AUTS2: variants seen among roughly 807,000 people sequenced by gnomAD.
The protein encoded by AUTS2 is activator of transcription and developmental regulator AUTS2.
In AUTS2, 17 loss-of-function variants were observed where a neutral mutation model predicts 112.4. That is an observed-to-expected ratio of 0.15 (90% confidence interval 0.10 to 0.23). The LOEUF (loss-of-function observed/expected upper bound fraction) is 0.23, where lower values mean the gene tolerates loss of function less well. Among genes scored for constraint, AUTS2 ranks in the 10% least tolerant of loss-of-function variants. The probability of loss-of-function intolerance (pLI) is 1.00; values close to 1 mark genes in which losing one functional copy is unlikely to be tolerated. For missense variants in AUTS2, 1,510 were observed against 1,701.6 expected, an observed-to-expected ratio of 0.89 and a Z score of 1.98; for synonymous variants, 751 against 702.7, an observed-to-expected ratio of 1.07 and a Z score of -1.09.
chr7:69,776,442 G>A (rs1788902683), intron 1 of AUTS2, among the ~76,000 whole-genome samples: 1 of 152,156 alleles, frequency 6.6e-6, no homozygotes, highest in Non-Finnish European at 1.5e-5. Context: ...TAGAGATAGT[G>A]TCTCAGTCTG....
At chr7:70,689,167 G>A (rs897395662) in intron 5 of AUTS2, among the ~76,000 whole-genome samples, 1 of 151,866 alleles carries the variant, frequency 6.6e-6, no homozygotes, top group Non-Finnish European at 1.5e-5. Context: ...GACCAGCCTG[G>A]GAAACATGGC....
intron 5 of AUTS2, among the ~76,000 whole-genome samples, chr7:70,496,270 G>A (rs368753333): frequency 1.1e-4 from 12 of 106,466 alleles, no homozygotes; most frequent in Admixed American, 3.2e-4. Context: ...ACATGCACAC[G>A]TCACATCAGC....
intron 4 of AUTS2, among the ~76,000 whole-genome samples, chr7:70,158,443 G>A (rs1211412715): frequency 6.6e-6 from 1 of 152,210 alleles, no homozygotes; most frequent in African/African-American, 2.4e-5. Flanking sequence ...ACGAGTCAAT[G>A]TGGCAGTGAT....
intron 2 of AUTS2, among the ~76,000 whole-genome samples, chr7:70,117,104 GTTTTT>G (rs61076536): frequency 3.6e-4 from 28 of 78,436 alleles, no homozygotes; most frequent in Admixed American, 9.7e-4. Context: ...GATGACTTTT[GTTTTT>G]TTTTTTTGTT....
intron 6 of AUTS2, among the ~76,000 whole-genome samples, chr7:70,702,137 G>A (rs1809492134): frequency 6.6e-6 from 1 of 152,236 alleles, no homozygotes; most frequent in Non-Finnish European, 1.5e-5. Context: ...CCAAGATAAT[G>A]AATCTTTCCT....
chr7:70,029,334 T>A (rs1379233481), intron 2 of AUTS2, among the ~76,000 whole-genome samples: 1 of 151,660 alleles, frequency 6.6e-6, no homozygotes, highest in Non-Finnish European at 1.5e-5. Flanking sequence ...TAATTTTTTC[T>A]GTTTTTTATT....
chr7:70,148,437 T>C lies in AUTS2; in HGVS notation c.660+13866T>C, dbSNP rs147958328. 6.8e-3 allele frequency among the ~76,000 whole-genome samples: 1,035 copies of C among 152,246 alleles called. 6 individuals are homozygous for C. Among genetic ancestry groups the C allele is most frequent in the Non-Finnish European group, 0.012 (806 of 67,988 alleles). The stretch of plus-strand genomic sequence containing the variant: ...ATTTCATTGAGTCCTGTTTAATTAA[T>C]TCTTGCTGTACTGAATCTTGACTTA... On this transcript the variant is annotated intron_variant, in intron 4 of 18. Transcript: ENST00000342771.
intron 1 of AUTS2, among the ~76,000 whole-genome samples, chr7:69,690,052 C>G (rs1797257356): frequency 1.3e-5 from 2 of 152,130 alleles, no homozygotes; most frequent in African/African-American, 2.4e-5. Flanking sequence ...ATTTAAGTTT[C>G]TACTGGATTG....
intron 2 of AUTS2, among the ~76,000 whole-genome samples, chr7:69,946,308 T>TTGATAGGAATA (rs1796807183): frequency 1.3e-5 from 2 of 152,138 alleles, no homozygotes; most frequent in Admixed American, 6.5e-5. Context: ...TTGTATCGTG[T>TTGATAGGAATA]TGATAGGAAT....
chr7:70,655,116 A>G (rs1166551660), intron 5 of AUTS2, among the ~76,000 whole-genome samples: 1 of 152,178 alleles, frequency 6.6e-6, no homozygotes, highest in Admixed American at 6.5e-5. Context: ...AGCAGGGCCC[A>G]TTGCTCTTGG....
At chr7:70,732,952 G>A (rs1787518560) in intron 6 of AUTS2, among the ~76,000 whole-genome samples, 1 of 152,138 alleles carries the variant, frequency 6.6e-6, no homozygotes, top group African/African-American at 2.4e-5. Flanking sequence ...TTAGGAGGTG[G>A]CCCCTCACCA....
intron 4 of AUTS2, among the ~76,000 whole-genome samples, chr7:70,368,569 G>A (rs1241748308): frequency 6.6e-6 from 1 of 152,160 alleles, no homozygotes; most frequent in African/African-American, 2.4e-5. Context: ...CATACTGTAT[G>A]GCCAACATTA....
At chr7:70,435,888 C>G in intron 5 of AUTS2, 107 bp downstream of exon 5, 3 of 1,209,412 alleles carry the variant, frequency 2.5e-6, no homozygotes, top group Non-Finnish European at 3.6e-6. Flanking sequence ...GTTGACAGGA[C>G]CTTTTCTCTT....
rs1263893029 is a variant in AUTS2, at chr7:69,692,297, T to C, written c.309+92335T>C. ...GGAAGACTTCGGTGGTCCTTTGAAA[T>C]GAGGAGTTTTTATAGAAACACTTAT... On this transcript the variant is annotated intron_variant, in intron 1 of 18. Transcript: ENST00000342771. 2.0e-5 allele frequency among the ~76,000 whole-genome samples: 3 copies of C among 152,156 alleles called. 1 individual carries two copies. In the South Asian group the frequency reaches 6.2e-4, roughly 32 times the overall value.
At chr7:70,517,373 C>T (rs1799457835) in intron 5 of AUTS2, among the ~76,000 whole-genome samples, 1 of 151,938 alleles carries the variant, frequency 6.6e-6, no homozygotes, top group Non-Finnish European at 1.5e-5. Context: ...GAACTGACAC[C>T]TGAATCTTAG....
intron 5 of AUTS2, among the ~76,000 whole-genome samples, chr7:70,588,675 T>A (rs1340423036): frequency 2.0e-5 from 3 of 152,228 alleles, no homozygotes; most frequent in Non-Finnish European, 4.4e-5. Context: ...TTTAGGATTT[T>A]TTTTTTATGG....
intron 2 of AUTS2, among the ~76,000 whole-genome samples, chr7:69,982,775 T>C (rs1235937407): frequency 6.6e-6 from 1 of 152,236 alleles, no homozygotes; most frequent in Admixed American, 6.5e-5. Context: ...AAAGCCTTCA[T>C]AGAGAATTAG....
intron 4 of AUTS2, among the ~76,000 whole-genome samples, chr7:70,301,281 ATATT>A (rs1789197460): frequency 6.6e-6 from 1 of 152,222 alleles, no homozygotes; most frequent in African/African-American, 2.4e-5. Flanking sequence ...GGATTCATAT[ATATT>A]AAGGACTGTT....
chr7:70,646,614 T>C (rs534221399), intron 5 of AUTS2, among the ~76,000 whole-genome samples: 2 of 152,378 alleles, frequency 1.3e-5, no homozygotes, highest in South Asian at 2.1e-4. Context: ...TCTTTTTCTT[T>C]ATGCCCAAGA....
Sources: gnomAD v4.1 joint callset for allele counts (sites outside exome capture counted in the v4.1 genomes callset) on GRCh38, gnomAD v4.1.1 for gene constraint, MANE v1.5 for transcripts, NCBI Gene and HGNC (gene_info 2026-07-23, HGNC 2026-07-21) for gene names.